The following CUBN variants were observed in gnomAD, a reference collection of about 807,000 sequenced individuals.
CUBN encodes the protein cubilin, also known as 460 kDa receptor.
CUBN carries 282 observed loss-of-function variants against 405.3 expected under a neutral mutation model. The observed-to-expected ratio is 0.70, with a 90% CI of 0.63 to 0.77. CUBN has a LOEUF of 0.77. CUBN is among the 30% of genes least tolerant of loss of function. The pLI is 0.00. For synonymous variants in CUBN, 1,684 were observed against 1,617.0 expected (o/e 1.04, Z -0.99); for missense variants, 4,514 against 4,475.2 (o/e 1.01, Z -0.25).
chr10:17,093,320 T>C (rs1054085361), intron 14 of CUBN, among the ~76,000 whole-genome samples: 12 of 152,128 alleles, frequency 7.9e-5, no homozygotes, highest in Non-Finnish European at 1.6e-4. Flanking sequence ...TTGCTAAGAA[T>C]TGAAGAGAGA....
At position 17,110,909 on chromosome 10, in the gene CUBN, G is replaced by T. The variant is rs761519288; in HGVS notation, c.1015+10C>A. ...GGGGTCAGGAGGTTGACATTGAACCGAGGCAGCACCTGGTGGACAGGCCTG... is the reference window on the plus strand; with the variant it reads ...GGGGTCAGGAGGTTGACATTGAACCTAGGCAGCACCTGGTGGACAGGCCTG... On this transcript the variant is annotated intron_variant, in intron 9 of 66. Transcript: ENST00000377833. The T allele has an allele frequency of 6.2e-7, 1 of 1,614,066 alleles. No individual in the cohort carries two copies. The highest frequency in any genetic ancestry group is 1.3e-5 in the African/African-American group (1 of 74,914).
chr10:17,123,568 C>G lies in CUBN; in HGVS notation c.489+20G>C. On this transcript the variant is annotated intron_variant, in intron 5 of 66. Coordinates refer to ENST00000377833, the MANE Select transcript of CUBN (RefSeq NM_001081.4). ...GATGCTGACCTGCCATCATTCTTAACCAAAGAGTAGATGACTCACCTTCCA... is the reference window on the plus strand; with the variant it reads ...GATGCTGACCTGCCATCATTCTTAAGCAAAGAGTAGATGACTCACCTTCCA... 1 of 1,566,352 alleles carries G rather than the reference C, an allele frequency of 6.4e-7. No individual in the cohort carries two copies. Among genetic ancestry groups the G allele is most frequent in the Non-Finnish European group, 8.8e-7 (1 of 1,137,522 alleles).
chr10:17,077,424 G>T (rs1835876838), intron 17 of CUBN, among the ~76,000 whole-genome samples: 1 of 152,160 alleles, frequency 6.6e-6, no homozygotes, highest in South Asian at 2.1e-4. Context: ...AGTGAGTCGT[G>T]AGCTTTAACA....
chr10:16,987,846 G>A (rs1203463531), intron 29 of CUBN, among the ~76,000 whole-genome samples: 1 of 152,166 alleles, frequency 6.6e-6, no homozygotes, highest in African/African-American at 2.4e-5. Context: ...AAATGTCAGA[G>A]GGTTGCTCCT....
chr10:17,010,838 C>T (rs536886294), intron 28 of CUBN, among the ~76,000 whole-genome samples: 2 of 152,314 alleles, frequency 1.3e-5, no homozygotes, highest in African/African-American at 4.8e-5. Context: ...GACATACACT[C>T]AGAGCCCAGT....
intron 48 of CUBN, among the ~76,000 whole-genome samples, chr10:16,909,253 T>C (rs1052453162): frequency 1.2e-4 from 19 of 152,306 alleles, no homozygotes; most frequent in African/African-American, 3.8e-4. Flanking sequence ...TGGTGTAAAG[T>C]GTCTTCTGGC....
intron 22 of CUBN, among the ~76,000 whole-genome samples, chr10:17,052,289 C>T (rs1324815161): frequency 1.3e-5 from 2 of 152,004 alleles, no homozygotes; most frequent in East Asian, 1.9e-4. Flanking sequence ...ATAATAATAT[C>T]CATTGGGCCA....
chr10:16,947,343 G>A lies in CUBN; in HGVS notation c.5234C>T (p.Ala1745Val), dbSNP rs1212721439. Reference protein sequence around the residue: ...VSACGGTFYMAEGIFNSPGYP... With the variant: ...VSACGGTFYMVEGIFNSPGYP... ...GCCAGGGCTGTTGAAGATGCCTTCA[G>A]CCATGTAGAACGTTCCACCACAAGC... is the stretch of plus-strand genomic sequence containing the variant. The change falls in exon 36 of 67, where the codon GCT becomes GTT. Residue 1745 changes from alanine to valine, a missense_variant. By Grantham distance (64) the Ala-to-Val change is moderately conservative. This residue lies in a region of CUBN where 1,613 missense variants were observed against 1,542.8 expected (regional missense o/e 1.05). Coordinates refer to ENST00000377833, the MANE Select transcript of CUBN (RefSeq NM_001081.4). 1.9e-6 allele frequency: 3 copies of A among 1,614,062 alleles called. No individual in the cohort carries two copies. The highest frequency in any genetic ancestry group is 2.2e-5 in the East Asian group (1 of 44,878).
intron 58 of CUBN, among the ~76,000 whole-genome samples, chr10:16,870,858 G>A (rs1840331048): frequency 6.6e-6 from 1 of 152,128 alleles, no homozygotes; most frequent in Admixed American, 6.5e-5. Context: ...TTTAATTCAG[G>A]TCTTATTCTT....
chr10:17,011,158 T>C (rs916245516), intron 28 of CUBN, among the ~76,000 whole-genome samples: 1 of 152,200 alleles, frequency 6.6e-6, no homozygotes, highest in African/African-American at 2.4e-5. Flanking sequence ...GCACTACATG[T>C]TCCAGGGCTA....
chr10:17,107,789 G>A (rs867425276), intron 10 of CUBN, among the ~76,000 whole-genome samples: 3 of 151,986 alleles, frequency 2.0e-5, no homozygotes, highest in Admixed American at 6.6e-5. Context: ...GAGCCACCGC[G>A]CCTGGCAAAA....
rs568768175 is a variant in CUBN at position 16,986,325 on chromosome 10, C to T, written c.4351-2046G>A. Reference sequence around the variant, plus strand: ...TGCCCCCATTCCTCAGCACCCCCGGCCCTTGCCCACCCTCAGGACCCACTG... The same window carrying T: ...TGCCCCCATTCCTCAGCACCCCCGGTCCTTGCCCACCCTCAGGACCCACTG... On this transcript the variant is annotated intron_variant, in intron 29 of 66. Transcript: ENST00000377833. Among the ~76,000 whole-genome samples, 3 of 151,788 alleles carry T rather than the reference C, an allele frequency of 2.0e-5. 1 individual carries two copies. The Middle Eastern group carries it at 0.01, about 520-fold the overall frequency.
At chr10:17,107,959 G>A (rs1836675812) in intron 10 of CUBN, among the ~76,000 whole-genome samples, 1 of 152,172 alleles carries the variant, frequency 6.6e-6, no homozygotes, top group African/African-American at 2.4e-5. Flanking sequence ...AATGGAGTAA[G>A]CAAGCTCTGA....
At position 16,835,020 on chromosome 10, in the gene CUBN, G is replaced by T. The variant is rs749126611; in HGVS notation, c.10356C>A (p.Phe3452Leu). Residue 3452 changes from phenylalanine to leucine, a missense_variant, in exon 64 of 67, where the codon TTC (phenylalanine) becomes TTA (leucine). By Grantham distance (22) the Phe-to-Leu change is conservative. Coordinates refer to ENST00000377833, the MANE Select transcript of CUBN (RefSeq NM_001081.4). ...IENSVECRND[F>L]LEVRNGSNSN... ...ATATTCAAATGCATATCACCTCCAA[G>T]AAATCGTTTCTGCATTCAACTGAGT... is the stretch of plus-strand genomic sequence containing the variant. 3.4e-5 allele frequency: 55 copies of T among 1,613,612 alleles called. No individual in the cohort carries two copies. The highest frequency in any genetic ancestry group is 4.6e-5 in the Non-Finnish European group (54 of 1,179,658).
At chr10:17,032,082 G>A (rs760949817) in intron 27 of CUBN, among the ~76,000 whole-genome samples, 54 of 152,120 alleles carry the variant, frequency 3.5e-4, no homozygotes, top group Admixed American at 1.0e-3. Context: ...CGCCAGGGAG[G>A]AGCCACTGCT....
chr10:17,082,135 A>C (rs1835987429), intron 17 of CUBN, among the ~76,000 whole-genome samples: 1 of 152,086 alleles, frequency 6.6e-6, no homozygotes, highest in African/African-American at 2.4e-5. Flanking sequence ...AAAACCTTGC[A>C]TTTGCATTAT....
chr10:17,062,624 C>T (rs1835526852), intron 22 of CUBN, among the ~76,000 whole-genome samples: 1 of 152,180 alleles, frequency 6.6e-6, no homozygotes. Flanking sequence ...GGAGGAAGTC[C>T]CAGTAATCAC....
chr10:16,896,379 TTC>T (rs1239535807), intron 54 of CUBN, among the ~76,000 whole-genome samples: 1 of 152,186 alleles, frequency 6.6e-6, no homozygotes, highest in African/African-American at 2.4e-5. Context: ...TTAGTTTACC[TTC>T]ATATGAGAAG....
chr10:17,128,339 C>A (rs1837246600), intron 2 of CUBN, among the ~76,000 whole-genome samples: 1 of 152,204 alleles, frequency 6.6e-6, no homozygotes, highest in Non-Finnish European at 1.5e-5. Context: ...CATAGGACAG[C>A]TGTGAAGGTC....
Sources: allele counts gnomAD v4.1 joint callset (sites outside exome capture counted in the v4.1 genomes callset), GRCh38; gene constraint gnomAD v4.1.1; regional missense constraint gnomAD v4.1.1; transcripts MANE v1.5; gene names NCBI Gene and HGNC (gene_info 2026-07-23, HGNC 2026-07-21).